The following SORCS2 variants were observed in gnomAD, a reference collection of about 807,000 sequenced individuals.
SORCS2 encodes sortilin related VPS10 domain containing receptor 2, also known as VPS10 domain-containing receptor SorCS2.
Under a neutral mutation model 141.6 loss-of-function variants are expected in SORCS2, and 100 were observed. That is an observed-to-expected ratio of 0.71 (90% CI 0.60 to 0.83). The LOEUF (loss-of-function observed/expected upper bound fraction) is 0.83. SORCS2 is among the 40% of genes least tolerant of loss of function. The probability of loss-of-function intolerance (pLI) is 0.00; values close to 1 mark genes in which losing one functional copy is unlikely to be tolerated. For synonymous variants in SORCS2, 789 were observed against 676.9 expected, an observed-to-expected ratio of 1.17 and a Z score of -2.57; for missense variants, 1,646 against 1,560.2, an observed-to-expected ratio of 1.05 and a Z score of -0.93.
Position 7,396,363 on chromosome 4 carries a change from A to G in SORCS2, c.548+8A>G. 1 of 1,613,836 alleles carries G rather than the reference A, an allele frequency of 6.2e-7. No individual in the cohort carries two copies. Among genetic ancestry groups the G allele is most frequent in the Non-Finnish European group, 8.5e-7 (1 of 1,179,834 alleles). ...GGAAAGTTCTCTGTGGCGGTAAGTC[A>G]GCCCGATGGCAGGCCTTTCTCTTAT... is the stretch of plus-strand genomic sequence containing the variant. On this transcript the variant is annotated splice_region_variant and intron_variant, in intron 2 of 26. Coordinates refer to ENST00000507866, the MANE Select transcript of SORCS2 (RefSeq NM_020777.3).
chr4:7,653,729 C>T (rs979515461), intron 4 of SORCS2, among the ~76,000 whole-genome samples: 9 of 152,320 alleles, frequency 5.9e-5, no homozygotes, highest in South Asian at 4.1e-4. Flanking sequence ...CACCCCTGCT[C>T]GAGGCCACTG....
At chr4:7,428,424 G>A (rs1353218848) in intron 2 of SORCS2, among the ~76,000 whole-genome samples, 3 of 152,180 alleles carry the variant, frequency 2.0e-5, no homozygotes, top group Non-Finnish European at 2.9e-5. Context: ...CCACTGAGAC[G>A]AATTCCTGCC....
At chr4:7,411,330 G>C (rs1725294361) in intron 2 of SORCS2, among the ~76,000 whole-genome samples, 1 of 151,910 alleles carries the variant, frequency 6.6e-6, no homozygotes, top group Non-Finnish European at 1.5e-5. Flanking sequence ...ACTGCTTCTA[G>C]CTTCTCTGCC....
At chr4:7,603,799 G>T (rs890917714) in intron 3 of SORCS2, among the ~76,000 whole-genome samples, 2 of 152,096 alleles carry the variant, frequency 1.3e-5, no homozygotes, top group Non-Finnish European at 2.9e-5. Context: ...TCACACCTGT[G>T]CTCCTCTGGG....
rs553032912 is a variant in SORCS2 at position 7,663,125 on chromosome 4, G to C, written c.953-1228G>C. Reference sequence around the variant, plus strand: ...AAGTGAATGAGAGAATGAGTGAGTGGGTGAATAAGTGAGTGAGTAATTGAA... The same window carrying C: ...AAGTGAATGAGAGAATGAGTGAGTGCGTGAATAAGTGAGTGAGTAATTGAA... On this transcript the variant is annotated intron_variant, in intron 6 of 26. Coordinates refer to ENST00000507866, the MANE Select transcript of SORCS2 (RefSeq NM_020777.3). This position sits in a 1 kb window ranked among gnomAD's most constrained non-coding sequence, Gnocchi z 4.8. Among the ~76,000 whole-genome samples, 1 of 151,438 alleles carries C rather than the reference G, an allele frequency of 6.6e-6. No individual in the cohort carries two copies. Among genetic ancestry groups the C allele is most frequent in the Non-Finnish European group, 1.5e-5 (1 of 67,884 alleles).
chr4:7,651,237 G>A (rs1028703148), intron 4 of SORCS2, among the ~76,000 whole-genome samples: 4 of 152,264 alleles, frequency 2.6e-5, no homozygotes, highest in East Asian at 1.9e-4. Context: ...GATAGGCTGC[G>A]TGTCAGACAC....
chr4:7,623,046 G>C (rs764107468), intron 3 of SORCS2, among the ~76,000 whole-genome samples: 10 of 152,068 alleles, frequency 6.6e-5, no homozygotes, highest in Non-Finnish European at 1.3e-4. Flanking sequence ...ATGAAGGACA[G>C]AAGACGGTGC....
At chr4:7,285,036 A>T (rs749560603) in intron 1 of SORCS2, among the ~76,000 whole-genome samples, 1,415 of 140,088 alleles carry the variant, frequency 0.01, 9 homozygotes, top group East Asian at 0.027. Flanking sequence ...ATATATATAT[A>T]TTTTTTTTTT....
At chr4:7,619,758 C>G (rs1313600437) in intron 3 of SORCS2, among the ~76,000 whole-genome samples, 1 of 152,208 alleles carries the variant, frequency 6.6e-6, no homozygotes. Context: ...GCCCAACACA[C>G]AGGTATCAGG....
chr4:7,724,932 GTA>G (rs1727082664), intron 19 of SORCS2, among the ~76,000 whole-genome samples: 2 of 61,930 alleles, frequency 3.2e-5, no homozygotes, highest in Non-Finnish European at 6.3e-5. Context: ...GATGGTGGTA[GTA>G]GTGGTGATGG....
At chr4:7,218,197 C>T (rs1728487953) in intron 1 of SORCS2, among the ~76,000 whole-genome samples, 1 of 152,124 alleles carries the variant, frequency 6.6e-6, no homozygotes. Flanking sequence ...TAGAGAAATC[C>T]CCAACGAGTA....
chr4:7,640,757 G>A (rs1309904248), intron 4 of SORCS2, among the ~76,000 whole-genome samples: 3 of 152,102 alleles, frequency 2.0e-5, no homozygotes, highest in African/African-American at 7.2e-5. Flanking sequence ...CCCAACAGGA[G>A]GTGTGGGCTC....
At chr4:7,725,468 G>T (rs573339545) in intron 20 of SORCS2, among the ~76,000 whole-genome samples, 181 bp downstream of exon 20, 2 of 152,310 alleles carry the variant, frequency 1.3e-5, no homozygotes, top group South Asian at 2.1e-4. Flanking sequence ...CCTTTTCAGG[G>T]CCCATCTGCT....
At chr4:7,729,276 G>C (rs1414199710) in intron 22 of SORCS2, among the ~76,000 whole-genome samples, 2 of 152,144 alleles carry the variant, frequency 1.3e-5, no homozygotes, top group Non-Finnish European at 2.9e-5. Context: ...ATTAGCCAGG[G>C]AGGAAGGTGC....
Position 7,333,111 on chromosome 4 carries a change from C to A in SORCS2, c.481-63177C>A, listed in dbSNP as rs1719757782. On this transcript the variant is annotated intron_variant, in intron 1 of 26. Coordinates refer to ENST00000507866, the MANE Select transcript of SORCS2 (RefSeq NM_020777.3). ...AGGAGAGCAAGTGGATGGGACAAGG[C>A]GGTGTGGCCGTGCAGGCAGGAAGGC... Among the ~76,000 whole-genome samples, 3 of 152,180 alleles carry A rather than the reference C, an allele frequency of 2.0e-5. No homozygotes were observed. The South Asian group carries it at 6.2e-4, about 32-fold the overall frequency.
At chr4:7,202,098 C>T (rs558075338) in intron 1 of SORCS2, among the ~76,000 whole-genome samples, 5 of 152,182 alleles carry the variant, frequency 3.3e-5, no homozygotes, top group African/African-American at 4.8e-5. Flanking sequence ...CCTCTCTCCC[C>T]GCTCCCAGCA....
At chr4:7,467,916 A>G (rs779404607) in intron 2 of SORCS2, among the ~76,000 whole-genome samples, 1 of 152,202 alleles carries the variant, frequency 6.6e-6, no homozygotes, top group Non-Finnish European at 1.5e-5. Context: ...TCTTTATCAC[A>G]GGAGATAGCT....
chr4:7,510,558 T>C (rs575334049), intron 2 of SORCS2, among the ~76,000 whole-genome samples: 1 of 152,020 alleles, frequency 6.6e-6, no homozygotes, highest in East Asian at 1.9e-4. Flanking sequence ...GTGCGCGGCA[T>C]GTCCAGGAAA....
chr4:7,718,481 T>C (rs555734460), intron 18 of SORCS2, among the ~76,000 whole-genome samples: 1 of 152,354 alleles, frequency 6.6e-6, no homozygotes, highest in Admixed American at 6.5e-5. Context: ...GGGGAGGGTG[T>C]AGTTACTGGC....
Sources: allele counts gnomAD v4.1 joint callset (sites outside exome capture counted in the v4.1 genomes callset), GRCh38; gene constraint gnomAD v4.1.1; non-coding constraint Gnocchi (gnomAD v3.1); transcripts MANE v1.5; gene names NCBI Gene and HGNC (gene_info 2026-07-23, HGNC 2026-07-21).